Variants in ZNF318 observed in about 807,000 individuals in gnomAD.
The protein encoded by ZNF318 is endocrine regulator.
A neutral mutation model predicts 124.2 loss-of-function variants in ZNF318; 51 were observed. That is an observed-to-expected ratio of 0.41 (90% CI 0.33 to 0.52). ZNF318 has a LOEUF of 0.52. Ranked by LOEUF, ZNF318 falls within the 20% of genes least tolerant of loss-of-function variation. The pLI is 0.23. For missense variants in ZNF318, 2,815 were observed against 2,811.2 expected, an observed-to-expected ratio of 1.00 and a Z score of -0.03; for synonymous variants, 1,090 against 1,040.7, an observed-to-expected ratio of 1.05 and a Z score of -0.91.
In ZNF318 at chr6:43,355,207, G is replaced by T; in HGVS notation, c.2127C>A (p.Ser709Arg). The change falls in exon 4 of 10, where the codon AGC becomes AGA. Residue 709 changes from serine to arginine, a missense_variant. Transcript: ENST00000361428. ...PVDPYLLTKN[S>R]PPFLKSDHPV... ...GATGGTCAGACTTTAGGAATGGAGG[G>T]CTGTTTTTTGTGAGCAGGTAAGGAT... is the stretch of plus-strand genomic sequence containing the variant. The T allele has an allele frequency of 6.2e-7, 1 of 1,614,238 alleles. No homozygotes were observed. Among genetic ancestry groups the T allele is most frequent in the Non-Finnish European group, 8.5e-7 (1 of 1,180,036 alleles).
At chr6:43,362,518 CTTTTTT>C (rs1180416139) in intron 2 of ZNF318, among the ~76,000 whole-genome samples, 1 of 80,894 alleles carries the variant, frequency 1.2e-5, no homozygotes, top group Non-Finnish European at 2.1e-5. Context: ...ACATACACGT[CTTTTTT>C]TTTTTTTTTT....
At chr6:43,358,414 A>ATTTTTTT (rs71547834) in intron 2 of ZNF318, among the ~76,000 whole-genome samples, 1 of 124,782 alleles carries the variant, frequency 8.0e-6, no homozygotes, top group Non-Finnish European at 1.6e-5. Context: ...CACCCGGCTA[A>ATTTTTTT]TTTTTTTTTT....
chr6:43,346,810 G>A (rs753609727), intron 6 of ZNF318, among the ~76,000 whole-genome samples: 2 of 152,080 alleles, frequency 1.3e-5, no homozygotes, highest in Non-Finnish European at 2.9e-5. Context: ...CCGGAAAATT[G>A]CATTTTGAGG....
Position 43,338,669 on chromosome 6 carries a change from T to C in ZNF318, c.5329A>G (p.Thr1777Ala), listed in dbSNP as rs1779325846. The change falls in exon 10 of 10, where the codon ACA (threonine) becomes GCA (alanine). Residue 1777 changes from threonine to alanine, a missense_variant. Around this residue, in one of 4 missense-constraint regions of ZNF318, gnomAD observed 927 missense variants for 820.6 expected, o/e 1.13. Transcript: ENST00000361428. Reference protein sequence around the residue: ...SEDCRESEIETNTELKERVKE... With the variant: ...SEDCRESEIEANTELKERVKE... ...ACCCTTTCTTTTAGTTCAGTGTTTG[T>C]CTCTATCTCACTTTCTCTACAATCC... The C allele has an allele frequency of 6.2e-7, 1 of 1,614,182 alleles. No homozygotes were observed. Among genetic ancestry groups the C allele is most frequent in the Non-Finnish European group, 8.5e-7 (1 of 1,180,042 alleles).
intron 9 of ZNF318, 110 bp from the exon 10 acceptor site, chr6:43,340,612 C>T: frequency 6.7e-7 from 1 of 1,499,098 alleles, no homozygotes; most frequent in Non-Finnish European, 8.8e-7. Flanking sequence ...GAATTATCTT[C>T]CTCAAGGACA....
chr6:43,339,409 G>A lies in ZNF318; in HGVS notation c.4589C>T (p.Thr1530Ile), dbSNP rs1252631026. Residue 1530 changes from threonine (T) to isoleucine (I), a missense_variant, in exon 10 of 10, where the codon ACC becomes ATC. By Grantham distance (89) the Thr-to-Ile change is moderately conservative. Transcript: ENST00000361428. The surrounding 1 kb of genome is among the most constrained non-coding windows in gnomAD (Gnocchi z 4.2). ...AGGACGTACTAACACAGAGAACAGG[G>A]TCTGGTCTCGGTCACTCTCACTCAC... ...PGVSESDRDQ[T>I]LFSVLVRPPP... The A allele has an allele frequency of 1.9e-6, 3 of 1,613,180 alleles. No homozygotes were observed. The Admixed American group carries it at 5.0e-5, about 27-fold the overall frequency.
intron 9 of ZNF318, 74 bp from the exon 10 acceptor site, chr6:43,340,576 T>G: frequency 6.7e-7 from 1 of 1,499,092 alleles, no homozygotes; most frequent in African/African-American, 1.4e-5. Context: ...CCGCTACTGT[T>G]AGAATTCATT....
At chr6:43,366,676 C>T (rs574379443) in intron 1 of ZNF318, among the ~76,000 whole-genome samples, 2 of 152,232 alleles carry the variant, frequency 1.3e-5, no homozygotes, top group South Asian at 2.1e-4. Flanking sequence ...GATGTTGGTA[C>T]GCACCTGTAG....
intron 2 of ZNF318, chr6:43,363,779 A>T: frequency 1.5e-6 from 1 of 686,672 alleles, no homozygotes. Flanking sequence ...GGCCAGTTGA[A>T]AAGGTTCAAG....
intron 4 of ZNF318, 63 bp downstream of exon 4, chr6:43,354,601 A>C: frequency 4.0e-6 from 6 of 1,481,716 alleles, no homozygotes; most frequent in South Asian, 1.3e-5. Flanking sequence ...CTTCTAAAAA[A>C]CATATACAAA....
rs1474774310 is a variant in ZNF318 at position 43,356,103 on chromosome 6, G to T, written c.1231C>A (p.Pro411Thr). ...SSSTSSSQDH[P>T]LYSGHPSLPL... ...AGGGATGGGTGCCCAGAGTAGAGAG[G>T]GTGATCCTGGCTGGAGCTGGTACTG... The change falls in exon 4 of 10, where the codon CCT (proline) becomes ACT (threonine). Residue 411 changes from proline (P) to threonine (T), a missense_variant. Transcript: ENST00000361428. The T allele has an allele frequency of 7.4e-6, 12 of 1,613,968 alleles. No individual in the cohort carries two copies. Among genetic ancestry groups the T allele is most frequent in the Non-Finnish European group, 1.0e-5 (12 of 1,179,908 alleles).
intron 6 of ZNF318, among the ~76,000 whole-genome samples, chr6:43,346,548 A>AGAC (rs1319783528): frequency 5.7e-5 from 7 of 123,342 alleles, no homozygotes; most frequent in Non-Finnish European, 1.2e-4. Context: ...AAAAAAAAGC[A>AGAC]GCTCTCATTT....
At position 43,336,930 on chromosome 6, in the gene ZNF318, GATATAT is replaced by G. The variant is rs113486749; in HGVS notation, c.*222_*227del. 19,016 of 205,030 alleles carry G rather than the reference GATATAT, an allele frequency of 0.093. 913 individuals are homozygous for G. The highest frequency in any genetic ancestry group is 0.12 in the Non-Finnish European group (13,525 of 108,876). 12.7% of individuals were successfully genotyped at this position (205,030 alleles called of 1,614,324 possible). A position where few individuals can be genotyped will look rare whatever the true frequency, so the allele number is the denominator to read the frequency against. On this transcript the variant is annotated 3_prime_UTR_variant, in exon 10 of 10. Coordinates refer to ENST00000361428, the MANE Select transcript of ZNF318 (RefSeq NM_014345.3). ...AAAATTAACAAAATACATTTTTACA[GATATAT>G]ATATATATATATAAGTTGTTATCGA...
rs1779406795 is a variant in ZNF318, at chr6:43,343,950, C to A, written c.3073-1071G>T. On this transcript the variant is annotated intron_variant, in intron 6 of 9. Transcript: ENST00000361428. ...TACTTTAATATGAATTAATTTATTA[C>A]CAAGCTGGAACAAGGCACTCAGGAA... 5.3e-5 allele frequency among the ~76,000 whole-genome samples: 8 copies of A among 151,656 alleles called. No homozygotes were observed. The South Asian group carries it at 1.7e-3, about 32-fold the overall frequency.
Position 43,339,301 on chromosome 6 carries a change from T to G in ZNF318, c.4697A>C (p.Lys1566Thr), listed in dbSNP as rs753276704. The G allele has an allele frequency of 6.2e-7, 1 of 1,614,224 alleles. No homozygotes were observed. Among genetic ancestry groups the G allele is most frequent in the South Asian group, 1.1e-5 (1 of 91,090 alleles). ...ACTATAGAATATGTCATACAGGTCC[T>G]TAGCATTGGCTGTGGCTAAGCATGA... ...RNSCLATANA[K>T]DLYDIFYSSG... Residue 1566 changes from lysine (K) to threonine (T), a missense_variant, in exon 10 of 10, where the codon AAG becomes ACG. Around this residue, in one of 4 missense-constraint regions of ZNF318, gnomAD observed 11 missense variants for 31.9 expected, o/e 0.35. Coordinates refer to ENST00000361428, the MANE Select transcript of ZNF318 (RefSeq NM_014345.3). The surrounding 1 kb of genome is among the most constrained non-coding windows in gnomAD (Gnocchi z 4.2).
chr6:43,354,123 A>C (rs777673969), intron 4 of ZNF318, among the ~76,000 whole-genome samples: 1 of 152,154 alleles, frequency 6.6e-6, no homozygotes, highest in Non-Finnish European at 1.5e-5. Flanking sequence ...ACACACACGT[A>C]ATTTTTTAAA....
intron 1 of ZNF318, among the ~76,000 whole-genome samples, chr6:43,366,732 G>C (rs899298470): frequency 2.0e-5 from 3 of 152,138 alleles, no homozygotes; most frequent in African/African-American, 7.2e-5. Flanking sequence ...CTTGAGCGTG[G>C]GAGTTTGAGA....
rs1456730238 is a variant in ZNF318 at position 43,369,058 on chromosome 6, G to A, written c.308C>T (p.Pro103Leu). Residue 103 changes from proline (P) to leucine (L), a missense_variant, in exon 1 of 10, where the codon CCG becomes CTG. Pro to Leu is a moderately conservative substitution (Grantham distance 98). This residue lies in a region of ZNF318 where 1,377 missense variants were observed against 1,353.5 expected (regional missense o/e 1.02). Coordinates refer to ENST00000361428, the MANE Select transcript of ZNF318 (RefSeq NM_014345.3). ...CCGGCTGCTGCCTCTGAAGCCGGCC[G>A]GGCCCGGCGGGAAGAGTCGTCGGCC... is the stretch of plus-strand genomic sequence containing the variant. ...PRGRRLFPPGPAGFRGSSRGE... is the reference protein window; with the variant it reads ...PRGRRLFPPGLAGFRGSSRGE... The A allele has an allele frequency of 1.3e-5, 18 of 1,349,496 alleles. No homozygotes were observed. The highest frequency in any genetic ancestry group is 1.4e-5 in the Non-Finnish European group (15 of 1,047,596). The allele number at this position is 1,349,496 out of a possible 1,614,324, so 83.6% of individuals were successfully genotyped here.
rs1581640194 is a variant in ZNF318, at chr6:43,342,816, A to G, written c.3136T>C (p.Ser1046Pro). Residue 1046 changes from serine to proline, a missense_variant, in exon 7 of 10, where the codon TCA (serine) becomes CCA (proline). This residue lies in a region of ZNF318 where 500 missense variants were observed against 605.2 expected (regional missense o/e 0.83). Coordinates refer to ENST00000361428, the MANE Select transcript of ZNF318 (RefSeq NM_014345.3). ...GGCTGATCCAACTGCTTAGTGGCTG[A>G]CTGGGGGCTTTCGGCAGGCTTGGGG... Reference protein sequence around the residue: ...KSPKPAESPQSATKQLDQPTA... With the variant: ...KSPKPAESPQPATKQLDQPTA... 6.2e-7 allele frequency: 1 copy of G among 1,614,150 alleles called. No homozygotes were observed. Among genetic ancestry groups the G allele is most frequent in the Non-Finnish European group, 8.5e-7 (1 of 1,180,010 alleles).
Sources: gnomAD v4.1 joint callset for allele counts (sites outside exome capture counted in the v4.1 genomes callset) on GRCh38, gnomAD v4.1.1 for gene constraint, gnomAD v4.1.1 regional missense constraint, Gnocchi (gnomAD v3.1) non-coding constraint, MANE v1.5 for transcripts, NCBI Gene and HGNC (gene_info 2026-07-23, HGNC 2026-07-21) for gene names.